Variants in IL36B observed in about 807,000 individuals in gnomAD.
IL36B encodes interleukin 36 beta.
Under a neutral mutation model 19.3 loss-of-function variants are expected in IL36B, and 23 were observed. That is an observed-to-expected ratio of 1.19 (90% confidence interval 0.86 to 1.69). The LOEUF (loss-of-function observed/expected upper bound fraction) is 1.69. IL36B is among the 40% of genes most tolerant of loss of function. The probability of loss-of-function intolerance (pLI) is 0.00; values close to 1 mark genes in which losing one functional copy is unlikely to be tolerated. For missense variants in IL36B, 217 were observed against 200.5 expected (o/e 1.08, Z -0.50); for synonymous variants, 59 against 59.7 (o/e 0.99, Z 0.05).
intron 1 of IL36B, among the ~76,000 whole-genome samples, chr2:113,040,907 G>A (rs1479607671): frequency 6.6e-6 from 1 of 152,134 alleles, no homozygotes; most frequent in East Asian, 1.9e-4. Context: ...TGTAATTCCA[G>A]CACTTTGGAA....
Position 113,026,247 on chromosome 2 carries a change from T to C in IL36B, c.262-15A>G. ...GAGCCCTGAAGCTGGAAGAGAGAAA[T>C]GTTCAATGTTGCTGAGATAATACAC... On this transcript the variant is annotated splice_polypyrimidine_tract_variant and intron_variant, in intron 4 of 5. Coordinates refer to ENST00000259213, the MANE Select transcript of IL36B (RefSeq NM_014438.5). 6.2e-7 allele frequency: 1 copy of C among 1,613,208 alleles called. No homozygotes were observed. The highest frequency in any genetic ancestry group is 2.2e-5 in the East Asian group (1 of 44,862).
At chr2:113,026,985 TTAAC>T (rs1684974395) in intron 4 of IL36B, among the ~76,000 whole-genome samples, 1 of 152,206 alleles carries the variant, frequency 6.6e-6, no homozygotes, top group African/African-American at 2.4e-5. Context: ...TCAGAAAAAC[TTAAC>T]TAATAACCTG....
At position 113,022,459 on chromosome 2, in the gene IL36B, T is replaced by A. The variant is rs1162582323; in HGVS notation, c.*215A>T. The A allele has an allele frequency of 4.3e-6, 2 of 462,438 alleles. No individual in the cohort carries two copies. The highest frequency in any genetic ancestry group is 4.0e-5 in the African/African-American group (2 of 50,002). 28.6% of individuals were successfully genotyped at this position (462,438 alleles called of 1,614,324 possible). The stretch of plus-strand genomic sequence containing the variant: ...CTGGACAAAACACATTTACAGGTTA[T>A]GTAGTCCAAATCTACTCCTAAAAAG... On this transcript the variant is annotated 3_prime_UTR_variant, in exon 6 of 6. Coordinates refer to ENST00000259213, the MANE Select transcript of IL36B (RefSeq NM_014438.5).
At chr2:113,027,487 C>CT (rs1684985162) in intron 4 of IL36B, 2 of 1,023,824 alleles carry the variant, frequency 2.0e-6, no homozygotes, top group Non-Finnish European at 2.3e-6. Context: ...CATTCTTCAG[C>CT]TTTATCTTTG....
intron 1 of IL36B, among the ~76,000 whole-genome samples, chr2:113,034,328 CT>C (rs1685129157): frequency 6.6e-6 from 1 of 152,208 alleles, no homozygotes; most frequent in Non-Finnish European, 1.5e-5. Flanking sequence ...TCCCTCGCTT[CT>C]TCCATGCATA....
chr2:113,040,815 T>C (rs1489881391), intron 1 of IL36B, among the ~76,000 whole-genome samples: 3 of 152,202 alleles, frequency 2.0e-5, no homozygotes, highest in Non-Finnish European at 4.4e-5. Flanking sequence ...GTCTATGGAT[T>C]CCATGACATC....
intron 1 of IL36B, among the ~76,000 whole-genome samples, chr2:113,044,520 A>G (rs1162095467): frequency 2.6e-5 from 4 of 152,106 alleles, no homozygotes; most frequent in Non-Finnish European, 4.4e-5. Flanking sequence ...TTTGTCTAAT[A>G]TTAATATAGC....
At chr2:113,039,219 T>A (rs753631130) in intron 1 of IL36B, among the ~76,000 whole-genome samples, 13 of 152,146 alleles carry the variant, frequency 8.5e-5, no homozygotes, top group Non-Finnish European at 1.6e-4. Context: ...CACAGAGCAC[T>A]GGAACCTGCT....
chr2:113,050,195 G>A (rs1156533492), intron 1 of IL36B, among the ~76,000 whole-genome samples: 2 of 152,188 alleles, frequency 1.3e-5, no homozygotes, highest in African/African-American at 4.8e-5. Flanking sequence ...CCCAAAAGGT[G>A]ATGGCAACCC....
intron 4 of IL36B, 50 bp downstream of exon 5, chr2:113,027,383 A>G: frequency 1.3e-6 from 1 of 763,368 alleles, no homozygotes; most frequent in Non-Finnish European, 1.6e-6. Flanking sequence ...TTCAAGGGTT[A>G]AGTGTATACA....
At chr2:113,043,454 A>G (rs1685295331) in intron 1 of IL36B, among the ~76,000 whole-genome samples, 1 of 152,180 alleles carries the variant, frequency 6.6e-6, no homozygotes, top group Admixed American at 6.5e-5. Flanking sequence ...ATTTTTCCAT[A>G]TGCTGCAAGA....
intron 1 of IL36B, among the ~76,000 whole-genome samples, chr2:113,032,013 C>T (rs557328212): frequency 2.7e-4 from 41 of 152,204 alleles, no homozygotes; most frequent in African/African-American, 8.7e-4. Flanking sequence ...TCTTGGTATG[C>T]TTTCCATTAA....
intron 4 of IL36B, 137 bp from the exon 5 acceptor site, chr2:113,028,252 G>T: frequency 1.4e-6 from 1 of 695,878 alleles, no homozygotes; most frequent in Non-Finnish European, 2.4e-6. Flanking sequence ...GGCAGATGAA[G>T]CAGGGCATTA....
chr2:113,030,257 A>C (rs1475535433), intron 3 of IL36B, among the ~76,000 whole-genome samples: 2 of 151,794 alleles, frequency 1.3e-5, no homozygotes, highest in African/African-American at 4.8e-5. Flanking sequence ...GAAGATGTAG[A>C]GTATTCAAGA....
Position 113,031,118 on chromosome 2 carries a change from A to G in IL36B, c.51T>C (p.Ser17=). ...CACTCAGGACCCACACCATCTGTCG[A>G]GAATCACGAATAGCATAGGATTTGG... The change falls in exon 3 of 6, where the codon TCT becomes TCC. Residue 17 remains serine (S), a synonymous_variant. Coordinates refer to ENST00000259213, the MANE Select transcript of IL36B (RefSeq NM_014438.5). 6.2e-7 allele frequency: 1 copy of G among 1,614,220 alleles called. No homozygotes were observed. Among genetic ancestry groups the G allele is most frequent in the Non-Finnish European group, 8.5e-7 (1 of 1,180,014 alleles).
chr2:113,039,498 C>T (rs1328041156), intron 1 of IL36B, among the ~76,000 whole-genome samples: 1 of 152,000 alleles, frequency 6.6e-6, no homozygotes, highest in Non-Finnish European at 1.5e-5. Flanking sequence ...TCTGAAGAGG[C>T]CTAGAAATAA....
chr2:113,045,533 G>A (rs749255868), intron 1 of IL36B, among the ~76,000 whole-genome samples: 1 of 151,944 alleles, frequency 6.6e-6, no homozygotes, highest in Non-Finnish European at 1.5e-5. Context: ...AAAATATTTG[G>A]CTAACATTTG....
At chr2:113,048,950 A>T (rs1449210450) in intron 1 of IL36B, among the ~76,000 whole-genome samples, 1 of 152,178 alleles carries the variant, frequency 6.6e-6, no homozygotes, top group East Asian at 1.9e-4. Context: ...ATTTATTTTA[A>T]AAATGTTTAA....
intron 5 of IL36B, among the ~76,000 whole-genome samples, chr2:113,023,781 C>A (rs1454229485): frequency 1.3e-5 from 2 of 152,154 alleles, no homozygotes; most frequent in Non-Finnish European, 2.9e-5. Flanking sequence ...GTGACTCAAA[C>A]TAGTAAGGTA....
Sources: allele counts gnomAD v4.1 joint callset (sites outside exome capture counted in the v4.1 genomes callset), GRCh38; gene constraint gnomAD v4.1.1; transcripts MANE v1.5; gene names NCBI Gene and HGNC (gene_info 2026-07-23, HGNC 2026-07-21).